The following ATF7 variants were observed in gnomAD, a reference collection of about 807,000 sequenced individuals.
ATF7 encodes the protein activating transcription factor 7, also known as cyclic AMP-dependent transcription factor ATF-7.
In ATF7, 10 loss-of-function variants were observed where a neutral mutation model predicts 50.4. The observed-to-expected ratio is 0.20, with a 90% confidence interval of 0.12 to 0.34. The LOEUF (loss-of-function observed/expected upper bound fraction) is 0.34. Ranked by LOEUF, ATF7 falls within the 10% of genes least tolerant of loss-of-function variation. The pLI is 1.00. For synonymous variants in ATF7, 201 were observed against 226.4 expected (o/e 0.89, Z 1.01); for missense variants, 465 against 613.9 (o/e 0.76, Z 2.56).
At chr12:53,531,186 C>T (rs904675733) in intron 9 of ATF7, among the ~76,000 whole-genome samples, 1 of 151,570 alleles carries the variant, frequency 6.6e-6, no homozygotes, top group African/African-American at 2.4e-5. Context: ...TCTGGGAGGC[C>T]GAGATGGGTG....
intron 7 of ATF7, 143 bp downstream of exon 7, chr12:53,533,017 A>G: frequency 5.8e-6 from 4 of 694,046 alleles, no homozygotes; most frequent in African/African-American, 1.8e-5. Context: ...AGGTTAGTGA[A>G]GAGTTTAGGC....
Position 53,597,385 on chromosome 12 carries a change from T to C in ATF7, c.48+3568A>G, listed in dbSNP as rs144327773. On this transcript the variant is annotated intron_variant, in intron 2 of 11. Transcript: ENST00000420353. ...GCATAATCCACTAGTCTATTCTGGGTGAATTTTCCTTTCACCTTCCCTTAA... is the reference window on the plus strand; with the variant it reads ...GCATAATCCACTAGTCTATTCTGGGCGAATTTTCCTTTCACCTTCCCTTAA... Among the ~76,000 whole-genome samples, 860 of 152,306 alleles carry C rather than the reference T, an allele frequency of 5.6e-3. 4 individuals carry two copies. Among genetic ancestry groups the C allele is most frequent in the African/African-American group, 0.02 (814 of 41,558 alleles).
chr12:53,546,518 G>A (rs954387292), intron 3 of ATF7, among the ~76,000 whole-genome samples: 4 of 149,944 alleles, frequency 2.7e-5, no homozygotes, highest in Admixed American at 6.7e-5. Flanking sequence ...ATGTGATCTC[G>A]GCTCACTGCA....
intron 4 of ATF7, among the ~76,000 whole-genome samples, chr12:53,542,102 G>A (rs1939589061): frequency 1.1e-5 from 1 of 89,466 alleles, no homozygotes. Flanking sequence ...CACTGCGCCT[G>A]GCCTGTTTTT....
chr12:53,554,962 G>C (rs1283171471), intron 2 of ATF7, among the ~76,000 whole-genome samples: 1 of 143,988 alleles, frequency 6.9e-6, no homozygotes, highest in Non-Finnish European at 1.5e-5. Context: ...ATTTAACCAA[G>C]AACTTTAGTT....
chr12:53,604,835 C>G (rs1441229755), intron 1 of ATF7, among the ~76,000 whole-genome samples: 1 of 152,108 alleles, frequency 6.6e-6, no homozygotes, highest in Non-Finnish European at 1.5e-5. Flanking sequence ...TCAGAAACCA[C>G]TAATAAGGAA....
At position 53,524,487 on chromosome 12, in the gene ATF7, AT is replaced by A; in HGVS notation, c.1125+76del. 1 of 1,515,462 alleles carries A rather than the reference AT, an allele frequency of 6.6e-7. No homozygotes were observed. The highest frequency in any genetic ancestry group is 2.3e-5 in the East Asian group (1 of 44,366). The allele number at this position is 1,515,462 out of a possible 1,614,324, so 93.9% of individuals were successfully genotyped here. ...TTAGAGAATTACCATCTTCTATCAA[AT>A]TGTACCACTTTTTTCTGATTCCATC... is the stretch of plus-strand genomic sequence containing the variant. On this transcript the variant is annotated intron_variant, in intron 10 of 11. Coordinates refer to ENST00000420353, the MANE Select transcript of ATF7 (RefSeq NM_006856.3). This position sits in a 1 kb window ranked among gnomAD's most constrained non-coding sequence, Gnocchi z 4.6.
chr12:53,543,590 G>A, intron 3 of ATF7, 142 bp from the exon 4 acceptor site: 1 of 856,470 alleles, frequency 1.2e-6, no homozygotes, highest in South Asian at 1.8e-5. Flanking sequence ...CTTTAATGGA[G>A]CTCTAGTAGG....
At chr12:53,595,323 C>T (rs1473506781) in intron 2 of ATF7, among the ~76,000 whole-genome samples, 1 of 152,172 alleles carries the variant, frequency 6.6e-6, no homozygotes, top group African/African-American at 2.4e-5. Flanking sequence ...ATTCAAGATG[C>T]TTCCCTAACA....
intron 2 of ATF7, among the ~76,000 whole-genome samples, chr12:53,588,711 C>G (rs1013653207): frequency 6.6e-6 from 1 of 152,158 alleles, no homozygotes; most frequent in Non-Finnish European, 1.5e-5. Context: ...GATGCTGAAG[C>G]CTTGATTTTA....
chr12:53,516,554 C>A lies in ATF7; in HGVS notation c.*583G>T, dbSNP rs1254336132. 2 of 154,108 alleles carry A rather than the reference C, an allele frequency of 1.3e-5. No individual in the cohort carries two copies. Among genetic ancestry groups the A allele is most frequent in the African/African-American group, 4.8e-5 (2 of 41,396 alleles). 9.5% of individuals were successfully genotyped at this position (154,108 alleles called of 1,614,324 possible). A position where few individuals can be genotyped will look rare whatever the true frequency, so the allele number is the denominator to read the frequency against. ...CTGCTACTTCATACATCAAAGGTAACCTTACATTCTCCGTAAGTGAATGTT... is the reference window on the plus strand; with the variant it reads ...CTGCTACTTCATACATCAAAGGTAAACTTACATTCTCCGTAAGTGAATGTT... On this transcript the variant is annotated 3_prime_UTR_variant, in exon 12 of 12. Coordinates refer to ENST00000420353, the MANE Select transcript of ATF7 (RefSeq NM_006856.3).
intron 1 of ATF7, among the ~76,000 whole-genome samples, chr12:53,615,259 C>T (rs1944072602): frequency 6.6e-6 from 1 of 152,042 alleles, no homozygotes; most frequent in Admixed American, 6.6e-5. Flanking sequence ...TGGCGGGCGC[C>T]TGTAGTCCCA....
At chr12:53,510,286 G>A (rs1210515403), downstream of ATF7, among the ~76,000 whole-genome samples, 4 of 152,154 alleles carry the variant, frequency 2.6e-5, no homozygotes, top group African/African-American at 7.2e-5. Context: ...TGATCCGCCC[G>A]CCTGGGACTC....
chr12:53,531,826 G>A lies in ATF7; in HGVS notation c.845C>T (p.Ala282Val), dbSNP rs760319013. The change falls in exon 9 of 12, where the codon GCC becomes GTC. Residue 282 changes from alanine (A) to valine (V), a missense_variant. Transcript: ENST00000420353. ...NGGCGMVVGTASTMVTARPEQ... is the reference protein window; with the variant it reads ...NGGCGMVVGTVSTMVTARPEQ... ...TGGGCGGGCTGTCACCATGGTGCTGGCAGTACCCACCACCATTCCACAACC... is the reference window on the plus strand; with the variant it reads ...TGGGCGGGCTGTCACCATGGTGCTGACAGTACCCACCACCATTCCACAACC... The A allele has an allele frequency of 2.9e-5, 46 of 1,613,232 alleles. 1 individual carries two copies. The South Asian group carries it at 4.8e-4, about 17-fold the overall frequency.
rs199760811 is a variant in ATF7, at chr12:53,605,375, G to A, written c.-21-4354C>T. ...TTGCACTCCAGCCTGGGCAACAAGA[G>A]TGAAATTCTGTCTCAAAAAAAAAAA... On this transcript the variant is annotated intron_variant, in intron 1 of 11. Transcript: ENST00000420353. 3.2e-4 allele frequency among the ~76,000 whole-genome samples: 39 copies of A among 121,130 alleles called. No homozygotes were observed. The East Asian group carries it at 4.3e-3, about 13-fold the overall frequency. The allele number at this position is 121,130 out of a possible 152,430, so 79.5% of individuals were successfully genotyped here.
Position 53,524,835 on chromosome 12 carries a change from A to G in ATF7, c.928-74T>C. On this transcript the variant is annotated intron_variant, in intron 9 of 11. Coordinates refer to ENST00000420353, the MANE Select transcript of ATF7 (RefSeq NM_006856.3). The surrounding 1 kb of genome is among the most constrained non-coding windows in gnomAD (Gnocchi z 4.6). ...TTCCAAATCACACCTGATGTTAGGT[A>G]GAGTAGTAAGATCTGGTAAAAGGAT... 4.6e-6 allele frequency: 6 copies of G among 1,310,966 alleles called. No homozygotes were observed. The highest frequency in any genetic ancestry group is 6.1e-6 in the Non-Finnish European group (6 of 976,060). 81.2% of individuals were successfully genotyped at this position (1,310,966 alleles called of 1,614,324 possible).
At chr12:53,616,448 C>T (rs1405563958) in intron 1 of ATF7, among the ~76,000 whole-genome samples, 1 of 151,916 alleles carries the variant, frequency 6.6e-6, no homozygotes, top group African/African-American at 2.4e-5. Context: ...GTCTCGAACT[C>T]CAAGCTCAAG....
intron 1 of ATF7, among the ~76,000 whole-genome samples, chr12:53,601,385 T>C (rs1943396669): frequency 6.6e-6 from 1 of 152,212 alleles, no homozygotes; most frequent in South Asian, 2.1e-4. Flanking sequence ...GCCATATTTC[T>C]GAACGAGAGA....
intron 2 of ATF7, among the ~76,000 whole-genome samples, chr12:53,590,812 C>T (rs2137767007): frequency 6.6e-6 from 1 of 152,244 alleles, no homozygotes; most frequent in East Asian, 1.9e-4. Flanking sequence ...ATGATTCCTA[C>T]TACATGACAT....
Sources: gnomAD v4.1 joint callset for allele counts (sites outside exome capture counted in the v4.1 genomes callset) on GRCh38, gnomAD v4.1.1 for gene constraint, Gnocchi (gnomAD v3.1) non-coding constraint, MANE v1.5 for transcripts, NCBI Gene and HGNC (gene_info 2026-07-23, HGNC 2026-07-21) for gene names.